The following EEIG2 variants were observed in gnomAD, a reference collection of about 807,000 sequenced individuals.
The protein encoded by EEIG2 is family with sequence similarity 102 member B.
At chr1:108,589,783 CTTTTT>C in the EEIG2 span, among the ~76,000 whole-genome samples, 1 of 85,160 alleles carries the variant, frequency 1.2e-5, no homozygotes, top group Non-Finnish European at 2.1e-5. Flanking sequence ...GTCTTTTGTC[CTTTTT>C]TTTTTTTTTT....
chr1:108,608,947 A>G, the EEIG2 span, among the ~76,000 whole-genome samples: 1 of 152,180 alleles, frequency 6.6e-6, no homozygotes, highest in South Asian at 2.1e-4. Flanking sequence ...AAAGGAAGCA[A>G]GCTCTCTTTT....
the EEIG2 span, chr1:108,600,697 A>G: frequency 6.3e-7 from 1 of 1,597,490 alleles, no homozygotes; most frequent in Non-Finnish European, 8.6e-7. Context: ...GTATAAAAAT[A>G]GCCTATTACT....
chr1:108,583,293 C>T, the EEIG2 span, among the ~76,000 whole-genome samples: 1 of 151,952 alleles, frequency 6.6e-6, no homozygotes, highest in African/African-American at 2.4e-5. Context: ...TACAGGTGCA[C>T]ACCACCACAC....
At chr1:108,622,641 G>A in the EEIG2 span, among the ~76,000 whole-genome samples, 5 of 152,168 alleles carry the variant, frequency 3.3e-5, no homozygotes, top group South Asian at 2.1e-4. Flanking sequence ...TGAGTTTCAC[G>A]TACCTGTAGG....
At chr1:108,627,965 A>G in the EEIG2 span, 2 of 533,132 alleles carry the variant, frequency 3.8e-6, no homozygotes, top group African/African-American at 1.9e-5. Flanking sequence ...ATAATTCTTC[A>G]GCGAACTAAG....
the EEIG2 span, among the ~76,000 whole-genome samples, chr1:108,579,772 T>TGTGTGTGTGAGAGAGAGAGAGAGAGA: frequency 3.4e-5 from 2 of 58,822 alleles, no homozygotes; most frequent in African/African-American, 6.5e-5. Flanking sequence ...TGTGTGTGTG[T>TGTGTGTGTGAGAGAGAGAGAGAGAGA]GAGAGAGAGA....
At chr1:108,629,566 A>G in the EEIG2 span, 1 of 1,545,664 alleles carries the variant, frequency 6.5e-7, no homozygotes, top group South Asian at 1.2e-5. Flanking sequence ...CATGTAACAA[A>G]CATTTTAAAT....
the EEIG2 span, among the ~76,000 whole-genome samples, chr1:108,568,131 G>A: frequency 6.6e-6 from 1 of 151,988 alleles, no homozygotes; most frequent in Non-Finnish European, 1.5e-5. Context: ...TATAAAAATA[G>A]TATTAATGCC....
At chr1:108,592,073 TAAA>T in the EEIG2 span, among the ~76,000 whole-genome samples, 1 of 152,150 alleles carries the variant, frequency 6.6e-6, no homozygotes, top group African/African-American at 2.4e-5. Context: ...GTTTGTATTT[TAAA>T]AAGAGTTCTC....
At chr1:108,566,383 GC>G in the EEIG2 span, among the ~76,000 whole-genome samples, 5 of 152,068 alleles carry the variant, frequency 3.3e-5, no homozygotes, top group Non-Finnish European at 7.4e-5. Flanking sequence ...TTACCAACTT[GC>G]CCTTCAGTGC....
chr1:108,560,315 C>A, the EEIG2 span: 1 of 850,328 alleles, frequency 1.2e-6, no homozygotes, highest in Non-Finnish European at 1.4e-6. Flanking sequence ...CCCGGCCGCG[C>A]CCCCGCGCAC....
the EEIG2 span, among the ~76,000 whole-genome samples, chr1:108,573,143 A>C: frequency 6.6e-6 from 1 of 152,218 alleles, no homozygotes; most frequent in African/African-American, 2.4e-5. Context: ...ATCATATCAG[A>C]AGAGTATTGC....
At chr1:108,612,414 A>G in the EEIG2 span, 3 of 623,732 alleles carry the variant, frequency 4.8e-6, no homozygotes, top group Admixed American at 9.9e-5. Flanking sequence ...TGACCATACC[A>G]CTGAAGTATT....
the EEIG2 span, among the ~76,000 whole-genome samples, chr1:108,588,043 C>T: frequency 6.6e-6 from 1 of 152,056 alleles, no homozygotes; most frequent in Non-Finnish European, 1.5e-5. Flanking sequence ...GGATTTCCTT[C>T]TTTTTTAAGG....
the EEIG2 span, among the ~76,000 whole-genome samples, chr1:108,613,176 T>C: frequency 6.6e-6 from 1 of 152,176 alleles, no homozygotes; most frequent in Non-Finnish European, 1.5e-5. Flanking sequence ...AGGAAGAAAT[T>C]AGAAAAGTAT....
chr1:108,625,772 C>CTGTGTGTGTG, the EEIG2 span: 1 of 109,354 alleles, frequency 9.1e-6, no homozygotes, highest in African/African-American at 3.7e-5. Flanking sequence ...CTCTCTCTCT[C>CTGTGTGTGTG]TCTGTGTGTG....
chr1:108,624,394 T>C, the EEIG2 span, among the ~76,000 whole-genome samples: 4 of 150,694 alleles, frequency 2.7e-5, no homozygotes, highest in African/African-American at 9.8e-5. Flanking sequence ...CCTCTCTTTT[T>C]AGGACTCTAT....
At chr1:108,567,125 G>A in the EEIG2 span, among the ~76,000 whole-genome samples, 1 of 151,870 alleles carries the variant, frequency 6.6e-6, no homozygotes, top group Admixed American at 6.6e-5. Context: ...TACAATTTTT[G>A]TCAACTATAT....
At chr1:108,614,289 A>G in the EEIG2 span, among the ~76,000 whole-genome samples, 1 of 150,858 alleles carries the variant, frequency 6.6e-6, no homozygotes. Context: ...AACTTTTGTT[A>G]ACTCACTTAT....
Sources: allele counts gnomAD v4.1 joint callset (sites outside exome capture counted in the v4.1 genomes callset), GRCh38; gene constraint gnomAD v4.1.1; transcripts MANE v1.5; gene names NCBI Gene and HGNC (gene_info 2026-07-23, HGNC 2026-07-21).